TBC1D5: variants seen among roughly 807,000 people sequenced by gnomAD.
The protein encoded by TBC1D5 is TBC1 domain family member 5.
TBC1D5 carries 75 observed loss-of-function variants against 100.3 expected under a neutral mutation model. That is an observed-to-expected ratio of 0.75 (90% CI 0.62 to 0.91). The LOEUF is 0.91. Ranked by LOEUF, TBC1D5 falls within the 40% of genes least tolerant of loss-of-function variation. The pLI is 0.00. For missense variants in TBC1D5, 910 were observed against 942.4 expected (o/e 0.97, Z 0.45); for synonymous variants, 323 against 325.6 (o/e 0.99, Z 0.09).
chr3:17,686,771 T>A (rs1270246997), intron 1 of TBC1D5, among the ~76,000 whole-genome samples: 1 of 152,136 alleles, frequency 6.6e-6, no homozygotes, highest in Admixed American at 6.6e-5. Context: ...TAAGGGACAT[T>A]TGGCAATGCG....
chr3:17,201,909 C>A (rs1169979876), intron 18 of TBC1D5, among the ~76,000 whole-genome samples: 1 of 152,166 alleles, frequency 6.6e-6, no homozygotes, highest in Non-Finnish European at 1.5e-5. Context: ...TGGACTAATA[C>A]AGAAAATTGG....
At chr3:17,498,303 TTTGA>T (rs2095741332) in intron 3 of TBC1D5, among the ~76,000 whole-genome samples, 1 of 152,148 alleles carries the variant, frequency 6.6e-6, no homozygotes, top group Non-Finnish European at 1.5e-5. Context: ...AAAACAACTA[TTTGA>T]TTAACAAGGA....
chr3:17,627,937 C>T (rs1401700595), intron 1 of TBC1D5, among the ~76,000 whole-genome samples: 1 of 152,054 alleles, frequency 6.6e-6, no homozygotes, highest in Non-Finnish European at 1.5e-5. Context: ...TTCACATCTG[C>T]ATTAGCTCTT....
intron 19 of TBC1D5, among the ~76,000 whole-genome samples, chr3:17,175,271 C>T (rs9873613): frequency 0.041 from 6,191 of 151,686 alleles, 407 homozygotes; most frequent in African/African-American, 0.14. Flanking sequence ...TAAGACTAGG[C>T]AAATTTGCAT....
Position 17,499,671 on chromosome 3 carries a change from A to G in TBC1D5, c.97+8803T>C, listed in dbSNP as rs2095760229. The stretch of plus-strand genomic sequence containing the variant: ...TGATTGTACCACTGCCTGTGTGAAA[A>G]AGTGAAACACTGTCTCCAAAAAAAA... On this transcript the variant is annotated intron_variant, in intron 3 of 21. Transcript: ENST00000253692. Among the ~76,000 whole-genome samples, 4 of 147,910 alleles carry G rather than the reference A, an allele frequency of 2.7e-5. 1 individual carries two copies. Among genetic ancestry groups the G allele is most frequent in the East Asian group, 1.9e-4 (1 of 5,140 alleles).
intron 15 of TBC1D5, among the ~76,000 whole-genome samples, chr3:17,270,356 T>C (rs748686669): frequency 7.9e-5 from 12 of 152,128 alleles, no homozygotes; most frequent in Admixed American, 2.6e-4. Context: ...CCTTGATTTG[T>C]TTAAGTTCCT....
intron 2 of TBC1D5, among the ~76,000 whole-genome samples, chr3:17,619,148 T>C (rs765014985): frequency 3.3e-5 from 5 of 152,098 alleles, no homozygotes; most frequent in Non-Finnish European, 5.9e-5. Context: ...TCTTAAAACA[T>C]AGAAAAGTAG....
chr3:17,692,293 T>C (rs569233995), intron 1 of TBC1D5, among the ~76,000 whole-genome samples: 6 of 152,196 alleles, frequency 3.9e-5, no homozygotes, highest in Non-Finnish European at 8.8e-5. Flanking sequence ...GATTTCGCCA[T>C]GTTGGCCAGG....
At chr3:17,216,528 T>C (rs1244752519) in intron 17 of TBC1D5, among the ~76,000 whole-genome samples, 2 of 152,168 alleles carry the variant, frequency 1.3e-5, no homozygotes, top group Non-Finnish European at 2.9e-5. Flanking sequence ...ATGCATGATA[T>C]TGGAGCTGAG....
chr3:17,615,148 GT>G (rs776687733), intron 2 of TBC1D5, among the ~76,000 whole-genome samples: 1 of 152,124 alleles, frequency 6.6e-6, no homozygotes, highest in African/African-American at 2.4e-5. Context: ...TAATCATGTG[GT>G]TTTTGTTGTT....
chr3:17,400,139 G>GC, intron 8 of TBC1D5, among the ~76,000 whole-genome samples: 1 of 151,982 alleles, frequency 6.6e-6, no homozygotes, highest in Non-Finnish European at 1.5e-5. Context: ...CATCCTATCT[G>GC]TGTTATTCAC....
At chr3:17,375,918 G>A (rs1202674912) in intron 10 of TBC1D5, among the ~76,000 whole-genome samples, 1 of 152,136 alleles carries the variant, frequency 6.6e-6, no homozygotes, top group Non-Finnish European at 1.5e-5. Context: ...CAGTCCCAGA[G>A]CCCTCCATTT....
chr3:17,300,234 C>T (rs1242307538), intron 14 of TBC1D5, among the ~76,000 whole-genome samples: 1 of 152,006 alleles, frequency 6.6e-6, no homozygotes, highest in African/African-American at 2.4e-5. Flanking sequence ...AAGGAAGAGA[C>T]CTAGTAGTCA....
chr3:17,712,177 G>A (rs2074803707), intron 1 of TBC1D5, among the ~76,000 whole-genome samples: 1 of 151,866 alleles, frequency 6.6e-6, no homozygotes, highest in African/African-American at 2.4e-5. Context: ...CCATTTCTAT[G>A]TGTTACTCTC....
At chr3:17,687,333 A>G (rs945350283) in intron 1 of TBC1D5, among the ~76,000 whole-genome samples, 4 of 152,192 alleles carry the variant, frequency 2.6e-5, no homozygotes, top group African/African-American at 9.6e-5. Flanking sequence ...TCACACCTGT[A>G]ATCCCAACAC....
intron 3 of TBC1D5, among the ~76,000 whole-genome samples, chr3:17,461,426 T>C (rs7644389): frequency 0.4 from 61,033 of 152,048 alleles, 12,915 homozygotes; most frequent in Middle Eastern, 0.47. Flanking sequence ...AGTTACTGAA[T>C]GTTCTGCAAT....
chr3:17,651,161 C>A (rs895298163), intron 1 of TBC1D5, among the ~76,000 whole-genome samples: 2 of 152,018 alleles, frequency 1.3e-5, no homozygotes, highest in Non-Finnish European at 1.5e-5. Flanking sequence ...CAAAAAAATT[C>A]TTAAATATCA....
At chr3:17,291,600 A>G (rs1052246985) in intron 15 of TBC1D5, among the ~76,000 whole-genome samples, 2 of 152,132 alleles carry the variant, frequency 1.3e-5, no homozygotes, top group African/African-American at 4.8e-5. Flanking sequence ...CTGTAAGGAG[A>G]GGTAGTTCCT....
intron 1 of TBC1D5, among the ~76,000 whole-genome samples, chr3:17,693,643 C>T (rs1032771006): frequency 7.9e-5 from 12 of 152,252 alleles, no homozygotes; most frequent in South Asian, 2.1e-4. Flanking sequence ...ACTCCACCTC[C>T]GTACACAGGC....
Sources: gnomAD v4.1 joint callset for allele counts (sites outside exome capture counted in the v4.1 genomes callset) on GRCh38, gnomAD v4.1.1 for gene constraint, MANE v1.5 for transcripts, NCBI Gene and HGNC (gene_info 2026-07-23, HGNC 2026-07-21) for gene names.